Variants in CDH13 observed in about 807,000 individuals in gnomAD.
CDH13 encodes the protein cadherin-13.
CDH13 carries 24 observed loss-of-function variants against 63.8 expected under a neutral mutation model. That is an observed-to-expected ratio of 0.38 (90% CI 0.27 to 0.53). CDH13 has a LOEUF of 0.53. Ranked by LOEUF, CDH13 falls within the 20% of genes least tolerant of loss-of-function variation. CDH13 has a pLI of 0.85. For missense variants in CDH13, 1,049 were observed against 903.1 expected, an observed-to-expected ratio of 1.16 and a Z score of -2.07; for synonymous variants, 503 against 355.3, an observed-to-expected ratio of 1.42 and a Z score of -4.67.
chr16:83,553,705 C>G (rs2075552580), intron 7 of CDH13, among the ~76,000 whole-genome samples: 1 of 152,114 alleles, frequency 6.6e-6, no homozygotes, highest in Non-Finnish European at 1.5e-5. Context: ...TACAGGCACC[C>G]ACCACCACAC....
At chr16:83,050,770 A>G (rs1024736639) in intron 3 of CDH13, among the ~76,000 whole-genome samples, 5 of 152,062 alleles carry the variant, frequency 3.3e-5, no homozygotes, top group Admixed American at 6.6e-5. Flanking sequence ...TACTGGGGTT[A>G]ACTGTGTGAG....
chr16:82,948,821 A>G (rs9319581), intron 2 of CDH13, among the ~76,000 whole-genome samples: 46,753 of 152,114 alleles, frequency 0.31, 8,470 homozygotes, highest in African/African-American at 0.5. Flanking sequence ...CAATGTTCAA[A>G]TATGATTGTA....
chr16:82,655,793 C>A (rs1352148939), intron 1 of CDH13, among the ~76,000 whole-genome samples: 1 of 152,142 alleles, frequency 6.6e-6, no homozygotes, highest in African/African-American at 2.4e-5. Context: ...ATCATTCTTT[C>A]CCATTTTAAC....
intron 7 of CDH13, among the ~76,000 whole-genome samples, chr16:83,518,645 G>T (rs2074756976): frequency 6.9e-6 from 1 of 145,928 alleles, no homozygotes; most frequent in Non-Finnish European, 1.5e-5. Flanking sequence ...GCTAATTTTT[G>T]TATTTTTAGT....
intron 1 of CDH13, among the ~76,000 whole-genome samples, chr16:82,710,196 T>A (rs2031802551): frequency 6.9e-6 from 1 of 145,820 alleles, no homozygotes; most frequent in Admixed American, 6.9e-5. Context: ...AATTTATTAT[T>A]TATATATTAC....
intron 1 of CDH13, among the ~76,000 whole-genome samples, chr16:82,680,688 C>G (rs1213582012): frequency 6.6e-6 from 1 of 152,164 alleles, no homozygotes; most frequent in Admixed American, 6.5e-5. Context: ...ATTTAATAGA[C>G]TACTTACAAA....
intron 5 of CDH13, among the ~76,000 whole-genome samples, chr16:83,226,552 C>T (rs1349300539): frequency 6.6e-6 from 1 of 152,212 alleles, no homozygotes; most frequent in Admixed American, 6.5e-5. Flanking sequence ...GAATAAATGA[C>T]AGGATGGCTA....
At chr16:83,564,413 TTTG>T (rs200172982) in intron 7 of CDH13, among the ~76,000 whole-genome samples, 6,450 of 26,362 alleles carry the variant, frequency 0.24, 426 homozygotes, top group African/African-American at 0.43. Context: ...TTTTTTTTTT[TTTG>T]TTTTTGTTTT....
intron 11 of CDH13, among the ~76,000 whole-genome samples, chr16:83,753,934 C>A (rs943518198): frequency 3.0e-5 from 4 of 134,928 alleles, no homozygotes; most frequent in Non-Finnish European, 6.2e-5. Context: ...AGGGAAAAGT[C>A]ATTTCAAAAA....
At chr16:83,197,694 C>A (rs2038914410) in intron 4 of CDH13, among the ~76,000 whole-genome samples, 1 of 152,056 alleles carries the variant, frequency 6.6e-6, no homozygotes, top group Non-Finnish European at 1.5e-5. Flanking sequence ...ATGGAATGGC[C>A]TTGTATCTCA....
chr16:83,753,782 A>G (rs910886866), intron 11 of CDH13, among the ~76,000 whole-genome samples: 1 of 152,076 alleles, frequency 6.6e-6, no homozygotes, highest in Non-Finnish European at 1.5e-5. Context: ...TCCATGTAGG[A>G]TACAGTACGG....
intron 8 of CDH13, among the ~76,000 whole-genome samples, chr16:83,629,461 A>C (rs1014054372): frequency 9.9e-5 from 15 of 152,180 alleles, no homozygotes; most frequent in African/African-American, 3.1e-4. Context: ...CTATTATAGG[A>C]TCATAATTTT....
intron 7 of CDH13, among the ~76,000 whole-genome samples, chr16:83,522,316 T>C (rs1346078760): frequency 2.6e-5 from 4 of 152,240 alleles, no homozygotes; most frequent in African/African-American, 9.6e-5. Flanking sequence ...TATTATTCAC[T>C]TGATGGAGTG....
chr16:82,909,780 A>G (rs1281530033), intron 2 of CDH13, among the ~76,000 whole-genome samples: 1 of 152,168 alleles, frequency 6.6e-6, no homozygotes, highest in South Asian at 2.1e-4. Context: ...ATCTTATTCA[A>G]GATGAGATCT....
chr16:83,294,599 T>G (rs2089543684), intron 5 of CDH13, among the ~76,000 whole-genome samples: 1 of 118,506 alleles, frequency 8.4e-6, no homozygotes, highest in Non-Finnish European at 1.8e-5. Flanking sequence ...CATATATATG[T>G]GTATGTGTGT....
intron 8 of CDH13, among the ~76,000 whole-genome samples, chr16:83,626,722 T>C (rs1210807759): frequency 1.3e-5 from 2 of 152,054 alleles, no homozygotes; most frequent in East Asian, 3.9e-4. Context: ...TCAAAATAAA[T>C]CCTGCTGGAA....
intron 11 of CDH13, among the ~76,000 whole-genome samples, chr16:83,777,755 T>C (rs1237035706): frequency 1.3e-5 from 2 of 152,204 alleles, no homozygotes. Context: ...TCACTACCCT[T>C]CTAACCCCCG....
chr16:83,394,421 A>G lies in CDH13; in HGVS notation c.781+49415A>G, dbSNP rs2091846077. Among the ~76,000 whole-genome samples, 4 of 152,294 alleles carry G rather than the reference A, an allele frequency of 2.6e-5. No individual in the cohort carries two copies. In the South Asian group the frequency reaches 8.3e-4, roughly 32 times the overall value. ...TAACTGGAGGTACAGCAGGCCAGACAGAGGCAACAGCACATGCAAAGTCCC... is the reference window on the plus strand; with the variant it reads ...TAACTGGAGGTACAGCAGGCCAGACGGAGGCAACAGCACATGCAAAGTCCC... On this transcript the variant is annotated intron_variant, in intron 6 of 13. Coordinates refer to ENST00000567109, the MANE Select transcript of CDH13 (RefSeq NM_001257.5).
intron 5 of CDH13, among the ~76,000 whole-genome samples, chr16:83,324,573 G>A (rs963743845): frequency 1.3e-5 from 2 of 152,198 alleles, no homozygotes; most frequent in African/African-American, 2.4e-5. Flanking sequence ...TGTAGTTGAT[G>A]TCAGAGCTTC....
Sources: gnomAD v4.1 joint callset for allele counts (sites outside exome capture counted in the v4.1 genomes callset) on GRCh38, gnomAD v4.1.1 for gene constraint, MANE v1.5 for transcripts, NCBI Gene and HGNC (gene_info 2026-07-23, HGNC 2026-07-21) for gene names.